PTPRO: variants seen among roughly 807,000 people sequenced by gnomAD.
PTPRO encodes the protein protein tyrosine phosphatase receptor type O.
Under a neutral mutation model 145.2 loss-of-function variants are expected in PTPRO, and 62 were observed. That is an observed-to-expected ratio of 0.43 (90% CI 0.35 to 0.53). The LOEUF (loss-of-function observed/expected upper bound fraction) is 0.53, where lower values mean the gene tolerates loss of function less well. Ranked by LOEUF, PTPRO falls within the 20% of genes least tolerant of loss-of-function variation. The probability of loss-of-function intolerance (pLI) is 0.01; values close to 1 mark genes in which losing one functional copy is unlikely to be tolerated. For missense variants in PTPRO, 1,345 were observed against 1,482.7 expected (o/e 0.91, Z 1.53); for synonymous variants, 565 against 514.7 (o/e 1.10, Z -1.32).
At chr12:15,459,040 A>G (rs1941243737) in intron 1 of PTPRO, among the ~76,000 whole-genome samples, 1 of 152,182 alleles carries the variant, frequency 6.6e-6, no homozygotes, top group Non-Finnish European at 1.5e-5. Flanking sequence ...TATGCTAGGC[A>G]AAACCATCAG....
chr12:15,408,728 A>G (rs1426458714), intron 1 of PTPRO, among the ~76,000 whole-genome samples: 1 of 152,164 alleles, frequency 6.6e-6, no homozygotes, highest in East Asian at 1.9e-4. Context: ...GTGCCCTGCC[A>G]GAAGTCAAAG....
In PTPRO at chr12:15,546,211, TA is replaced by T. The variant is rs1943284673; in HGVS notation, c.2165-356del. ...AAATTTCATTTTTCTCCACCTTTAT[TA>T]AGTGCAGATTTTTGTTTCTCATCCA... On this transcript the variant is annotated intron_variant, in intron 12 of 26. Coordinates refer to ENST00000281171, the MANE Select transcript of PTPRO (RefSeq NM_030667.3). 8 of 521,742 alleles carry T rather than the reference TA, an allele frequency of 1.5e-5. No individual in the cohort carries two copies. The South Asian group carries it at 3.8e-4, about 25-fold the overall frequency. The allele number at this position is 521,742 out of a possible 1,614,324, so 32.3% of individuals were successfully genotyped here. A position where few individuals can be genotyped will look rare whatever the true frequency, so the allele number is the denominator to read the frequency against.
At chr12:15,388,076 A>G (rs1254646914) in intron 1 of PTPRO, among the ~76,000 whole-genome samples, 1 of 152,172 alleles carries the variant, frequency 6.6e-6, no homozygotes, top group Non-Finnish European at 1.5e-5. Context: ...AGCCGAGCCA[A>G]TGCAGAAGGC....
rs7304082 is a variant in PTPRO, at chr12:15,577,251, G to C, written c.2830-1602G>C. Among the ~76,000 whole-genome samples, 855 of 152,332 alleles carry C rather than the reference G, an allele frequency of 5.6e-3. 3 individuals carry two copies. Among genetic ancestry groups the C allele is most frequent in the Admixed American group, 0.012 (180 of 15,294 alleles). ...ATCTTGAAAAGCCAAAAGAGATGAGGAATCAAAGGAAGAGAGAAATCTGGG... is the reference window on the plus strand; with the variant it reads ...ATCTTGAAAAGCCAAAAGAGATGAGCAATCAAAGGAAGAGAGAAATCTGGG... On this transcript the variant is annotated intron_variant, in intron 19 of 26. Transcript: ENST00000281171.
chr12:15,595,465 T>C (rs1944640573), intron 26 of PTPRO: 2 of 230,172 alleles, frequency 8.7e-6, no homozygotes, highest in Admixed American at 5.0e-5. Context: ...TGAGCTGGAT[T>C]GGACACTCCT....
At chr12:15,476,100 A>G (rs1243823189) in intron 1 of PTPRO, among the ~76,000 whole-genome samples, 1 of 152,170 alleles carries the variant, frequency 6.6e-6, no homozygotes, top group Non-Finnish European at 1.5e-5. Context: ...TTTAAGAAGT[A>G]TTGCTGGAGA....
intron 1 of PTPRO, among the ~76,000 whole-genome samples, chr12:15,464,720 G>C (rs253811): frequency 0.92 from 139,869 of 151,996 alleles, 65,146 homozygotes; most frequent in Non-Finnish European, 0.99. Context: ...TATTTTGTTT[G>C]TTGTAACCTG....
At chr12:15,505,631 A>AT (rs1942305911) in intron 6 of PTPRO, among the ~76,000 whole-genome samples, 2 of 152,180 alleles carry the variant, frequency 1.3e-5, no homozygotes, top group Admixed American at 1.3e-4. Context: ...ATTCAGATGT[A>AT]CCATGTATAC....
chr12:15,479,008 C>T (rs992049054), intron 1 of PTPRO, among the ~76,000 whole-genome samples: 2 of 152,154 alleles, frequency 1.3e-5, no homozygotes, highest in African/African-American at 4.8e-5. Flanking sequence ...CTCTTCTCAT[C>T]TTCACTCTTC....
intron 1 of PTPRO, among the ~76,000 whole-genome samples, chr12:15,373,421 T>G (rs770938452): frequency 2.0e-5 from 3 of 152,194 alleles, no homozygotes; most frequent in Admixed American, 6.5e-5. Flanking sequence ...AAGCAGATCC[T>G]AGGTGTGGTG....
chr12:15,402,036 G>T (rs1939508482), intron 1 of PTPRO, among the ~76,000 whole-genome samples: 1 of 152,156 alleles, frequency 6.6e-6, no homozygotes, highest in Admixed American at 6.5e-5. Flanking sequence ...CTGCTTTAAT[G>T]TAGGGCATGA....
intron 23 of PTPRO, among the ~76,000 whole-genome samples, chr12:15,586,577 A>G (rs997428201): frequency 2.0e-4 from 31 of 152,210 alleles, no homozygotes; most frequent in Admixed American, 3.3e-4. Flanking sequence ...AGCACTTTCT[A>G]CAGTGTTTAA....
intron 1 of PTPRO, among the ~76,000 whole-genome samples, chr12:15,365,116 C>T (rs991893957): frequency 6.6e-6 from 1 of 152,054 alleles, no homozygotes; most frequent in Non-Finnish European, 1.5e-5. Context: ...GCCAAGAATG[C>T]GGAATCTAAT....
intron 1 of PTPRO, among the ~76,000 whole-genome samples, chr12:15,405,749 G>C (rs1410000953): frequency 2.6e-5 from 4 of 152,132 alleles, no homozygotes; most frequent in Admixed American, 6.6e-5. Flanking sequence ...TTAGAAGTCA[G>C]TTAATTATTA....
chr12:15,366,357 AG>A (rs79736924), intron 1 of PTPRO, among the ~76,000 whole-genome samples: 58,286 of 151,884 alleles, frequency 0.38, 13,588 homozygotes, highest in African/African-American at 0.67. Context: ...TAGCTGAGTG[AG>A]GGGGGGAAAA....
intron 1 of PTPRO, among the ~76,000 whole-genome samples, chr12:15,424,010 G>T (rs1406624333): frequency 1.3e-5 from 2 of 152,150 alleles, no homozygotes; most frequent in East Asian, 1.9e-4. Context: ...AATATGTCAG[G>T]CTAATAGGAC....
chr12:15,492,259 A>G (rs1401638484), intron 2 of PTPRO, among the ~76,000 whole-genome samples: 3 of 152,226 alleles, frequency 2.0e-5, no homozygotes, highest in Non-Finnish European at 4.4e-5. Context: ...AAACACATGA[A>G]GAACTTATGC....
chr12:15,456,497 A>G (rs1489047630), intron 1 of PTPRO, among the ~76,000 whole-genome samples: 2 of 152,162 alleles, frequency 1.3e-5, no homozygotes, highest in Non-Finnish European at 2.9e-5. Flanking sequence ...GTATTTTAAT[A>G]TTTGGCCTAA....
chr12:15,533,125 T>G (rs904863952), intron 12 of PTPRO, among the ~76,000 whole-genome samples: 2 of 152,144 alleles, frequency 1.3e-5, no homozygotes, highest in Admixed American at 6.6e-5. Flanking sequence ...CATGATAGTT[T>G]CCCAAACTTA....
Sources: allele counts gnomAD v4.1 joint callset (sites outside exome capture counted in the v4.1 genomes callset), GRCh38; gene constraint gnomAD v4.1.1; transcripts MANE v1.5; gene names NCBI Gene and HGNC (gene_info 2026-07-23, HGNC 2026-07-21).